The following NINJ2 variants were observed in gnomAD, a reference collection of about 807,000 sequenced individuals.
The protein encoded by NINJ2 is ninjurin 2.
Under a neutral mutation model 11.7 loss-of-function variants are expected in NINJ2, and 12 were observed. The observed-to-expected ratio is 1.02, with a 90% CI of 0.66 to 1.66. The LOEUF (loss-of-function observed/expected upper bound fraction) is 1.66, where lower values mean the gene tolerates loss of function less well. NINJ2 is among the 40% of genes most tolerant of loss of function. NINJ2 has a pLI of 0.00. For missense variants in NINJ2, 187 were observed against 181.8 expected (o/e 1.03, Z -0.16); for synonymous variants, 93 against 76.8 (o/e 1.21, Z -1.10).
In NINJ2 at chr12:614,418, G is replaced by T. The variant is rs149603643; in HGVS notation, c.34-48240C>A. Reference sequence around the variant, plus strand: ...ACAAAATGTTTGGAGATGGAATCTAGATGATCATCTGTGCGTGAGCTTCAT... The same window carrying T: ...ACAAAATGTTTGGAGATGGAATCTATATGATCATCTGTGCGTGAGCTTCAT... On this transcript the variant is annotated intron_variant, in intron 1 of 3. Coordinates refer to ENST00000305108, the MANE Select transcript of NINJ2 (RefSeq NM_016533.6). This position sits in a 1 kb window ranked among gnomAD's most constrained non-coding sequence, Gnocchi z 5.1. Among the ~76,000 whole-genome samples, 5 of 152,264 alleles carry T rather than the reference G, an allele frequency of 3.3e-5. No individual in the cohort carries two copies. The highest frequency in any genetic ancestry group is 7.4e-5 in the Non-Finnish European group (5 of 68,012).
At chr12:652,712 C>T (rs1937811616) in intron 1 of NINJ2, among the ~76,000 whole-genome samples, 1 of 151,976 alleles carries the variant, frequency 6.6e-6, no homozygotes, top group Admixed American at 6.6e-5. Flanking sequence ...CTTTGGGAGG[C>T]TGAGGTGGGC....
intron 1 of NINJ2, among the ~76,000 whole-genome samples, chr12:631,441 G>A (rs1565642347): frequency 6.6e-6 from 1 of 152,164 alleles, no homozygotes; most frequent in South Asian, 2.1e-4. Context: ...TCTGCTCAAT[G>A]CAACCTCCGC....
chr12:656,235 G>A (rs558127828), intron 1 of NINJ2, among the ~76,000 whole-genome samples: 26 of 151,852 alleles, frequency 1.7e-4, no homozygotes, highest in African/African-American at 6.0e-4. Context: ...GTGGTGGTGG[G>A]CACCTGTTGT....
intron 1 of NINJ2, among the ~76,000 whole-genome samples, chr12:603,783 CCT>C (rs2120916296): frequency 6.6e-6 from 1 of 152,242 alleles, no homozygotes; most frequent in Non-Finnish European, 1.5e-5. Context: ...GCCTCAACCC[CCT>C]GAGTAGCTGG....
intron 1 of NINJ2, chr12:642,939 C>CCCCCACG (rs1308912253): frequency 4.7e-5 from 7 of 147,844 alleles, no homozygotes; most frequent in East Asian, 2.0e-4. Flanking sequence ...GCCCCGGCCG[C>CCCCCACG]CCCCACGCCC....
chr12:606,877 G>A (rs1191576766), intron 1 of NINJ2, among the ~76,000 whole-genome samples: 6 of 152,140 alleles, frequency 3.9e-5, no homozygotes, highest in Non-Finnish European at 8.8e-5. Context: ...AAGAAAGAGT[G>A]GAGCAAAAGA....
chr12:576,326 G>A (rs1030563008), intron 1 of NINJ2, among the ~76,000 whole-genome samples: 20 of 152,200 alleles, frequency 1.3e-4, no homozygotes, highest in African/African-American at 4.8e-4. Flanking sequence ...CAACCCGCCC[G>A]CGCGGGCACA....
At chr12:574,790 G>C (rs1947430911) in intron 1 of NINJ2, among the ~76,000 whole-genome samples, 1 of 152,226 alleles carries the variant, frequency 6.6e-6, no homozygotes, top group Non-Finnish European at 1.5e-5. Flanking sequence ...GAAGGCCAGT[G>C]GTTAAGATAA....
chr12:655,224 A>T (rs539166451), intron 1 of NINJ2, among the ~76,000 whole-genome samples: 2 of 152,356 alleles, frequency 1.3e-5, no homozygotes, highest in East Asian at 3.9e-4. Context: ...AACAAGTCTT[A>T]GCAGTTTCCC....
At chr12:605,722 A>T (rs186821923) in intron 1 of NINJ2, among the ~76,000 whole-genome samples, 1 of 152,280 alleles carries the variant, frequency 6.6e-6, no homozygotes. Flanking sequence ...CTGGAAGATG[A>T]GGGGTTTTGG....
rs67797144 is a variant in NINJ2, at chr12:634,265, C to CTTTT, written c.33+29059_33+29062dup. Among the ~76,000 whole-genome samples, 94 of 59,506 alleles carry CTTTT rather than the reference C, an allele frequency of 1.6e-3. 7 individuals are homozygous for CTTTT. The highest frequency in any genetic ancestry group is 8.5e-3 in the East Asian group (10 of 1,174). The allele number at this position is 59,506 out of a possible 152,430, so 39.0% of individuals were successfully genotyped here. A position where few individuals can be genotyped will look rare whatever the true frequency, so the allele number is the denominator to read the frequency against. On this transcript the variant is annotated intron_variant, in intron 1 of 3. Coordinates refer to ENST00000305108, the MANE Select transcript of NINJ2 (RefSeq NM_016533.6). ...AAATAAATGTTGATTAGTTGCAGTT[C>CTTTT]TTTTTTTTTTTTTTTTTTTTTTTTT...
intron 1 of NINJ2, among the ~76,000 whole-genome samples, chr12:634,003 T>C (rs74407257): frequency 0.046 from 7,070 of 152,216 alleles, 239 homozygotes; most frequent in Non-Finnish European, 0.073. Flanking sequence ...CATTCCTGCC[T>C]GTTTCATTCC....
intron 1 of NINJ2, among the ~76,000 whole-genome samples, chr12:639,564 G>A (rs76112287): frequency 6.6e-6 from 1 of 152,126 alleles, no homozygotes. Flanking sequence ...AGAAAAAAAA[G>A]TCCCCATTGC....
At chr12:629,896 A>AAATAT in intron 1 of NINJ2, among the ~76,000 whole-genome samples, 20 of 9,902 alleles carry the variant, frequency 2.0e-3, no homozygotes, top group African/African-American at 2.9e-3. Flanking sequence ...AAAAAAAAAA[A>AAATAT]ATATATATAT....
At chr12:661,206 G>T (rs1462562006) in intron 1 of NINJ2, among the ~76,000 whole-genome samples, 1 of 152,106 alleles carries the variant, frequency 6.6e-6, no homozygotes, top group Non-Finnish European at 1.5e-5. Flanking sequence ...AGCCTCCCGA[G>T]TAGTGGGGAC....
chr12:595,436 G>A (rs77879560), intron 1 of NINJ2, among the ~76,000 whole-genome samples: 2 of 152,322 alleles, frequency 1.3e-5, no homozygotes, highest in East Asian at 3.9e-4. Flanking sequence ...AAAAGACAAT[G>A]TGAAGAGAAT....
At chr12:574,482 A>C (rs1035408796) in intron 1 of NINJ2, among the ~76,000 whole-genome samples, 1 of 151,798 alleles carries the variant, frequency 6.6e-6, no homozygotes, top group East Asian at 1.9e-4. Context: ...TTGGGTCACG[A>C]GGGCTCTGCC....
chr12:618,141 A>C (rs867010236), intron 1 of NINJ2, among the ~76,000 whole-genome samples: 3 of 147,682 alleles, frequency 2.0e-5, no homozygotes, highest in South Asian at 2.2e-4. Flanking sequence ...AACCCGTAGG[A>C]GCTCCTTGCT....
chr12:659,045 TTATATATAATA>T (rs1036619758), intron 1 of NINJ2, among the ~76,000 whole-genome samples: 9 of 140,192 alleles, frequency 6.4e-5, no homozygotes, highest in Admixed American at 4.7e-4. Context: ...CTATTATATA[TTATATATAATA>T]TATATATAAT....
Sources: gnomAD v4.1 joint callset for allele counts (sites outside exome capture counted in the v4.1 genomes callset) on GRCh38, gnomAD v4.1.1 for gene constraint, Gnocchi (gnomAD v3.1) non-coding constraint, MANE v1.5 for transcripts, NCBI Gene and HGNC (gene_info 2026-07-23, HGNC 2026-07-21) for gene names.